STK10: variants seen among roughly 807,000 people sequenced by gnomAD.
STK10 encodes the protein serine/threonine kinase 10, also known as serine/threonine-protein kinase 10.
Under a neutral mutation model 113.8 loss-of-function variants are expected in STK10, and 78 were observed. The ratio of observed to expected loss-of-function variants is 0.69; its 90% CI spans 0.57 to 0.83. The LOEUF (loss-of-function observed/expected upper bound fraction) is 0.83. Ranked by LOEUF, STK10 falls within the 40% of genes least tolerant of loss-of-function variation. The probability of loss-of-function intolerance (pLI) is 0.00; values close to 1 mark genes in which losing one functional copy is unlikely to be tolerated. For synonymous variants in STK10, 465 were observed against 494.7 expected, an observed-to-expected ratio of 0.94 and a Z score of 0.80; for missense variants, 1,109 against 1,280.1, an observed-to-expected ratio of 0.87 and a Z score of 2.04.
intron 2 of STK10, among the ~76,000 whole-genome samples, chr5:172,147,533 A>T (rs958227099): frequency 3.9e-5 from 6 of 152,122 alleles, no homozygotes; most frequent in African/African-American, 1.2e-4. Context: ...CTGGGACCAC[A>T]GGCACATGTC....
At chr5:172,113,315 C>T (rs1169152615) in intron 4 of STK10, among the ~76,000 whole-genome samples, 1 of 152,144 alleles carries the variant, frequency 6.6e-6, no homozygotes, top group Non-Finnish European at 1.5e-5. Context: ...CACTCTGCTT[C>T]TGAGAATTCC....
At chr5:172,186,757 AT>A (rs1770960740) in intron 1 of STK10, among the ~76,000 whole-genome samples, 1 of 152,194 alleles carries the variant, frequency 6.6e-6, no homozygotes, top group Admixed American at 6.5e-5. Context: ...GGGGCTGGGC[AT>A]GAGATTGTTC....
intron 12 of STK10, among the ~76,000 whole-genome samples, chr5:172,076,167 G>T (rs1484329844): frequency 6.7e-6 from 1 of 148,188 alleles, no homozygotes; most frequent in East Asian, 2.0e-4. Flanking sequence ...TGTTGTGGGG[G>T]CTGTCCTGTG....
At chr5:172,171,944 G>A (rs1455453278) in intron 1 of STK10, among the ~76,000 whole-genome samples, 3 of 152,192 alleles carry the variant, frequency 2.0e-5, no homozygotes, top group African/African-American at 7.2e-5. Context: ...TGTAAGGCCA[G>A]CACTTTGGGA....
Position 172,120,457 on chromosome 5 carries a change from C to T in STK10, c.371-2827G>A, listed in dbSNP as rs143423770. Among the ~76,000 whole-genome samples the T allele has an allele frequency of 2.8e-3, 421 of 152,318 alleles. 4 individuals are homozygous for T. The highest frequency in any genetic ancestry group is 9.3e-3 in the African/African-American group (387 of 41,570). Reference sequence around the variant, plus strand: ...CTCTCTGGAGTCCGCAAGCTGCCTGCCCCCTGTCCCTGTGGCCTCATCCTG... The same window carrying T: ...CTCTCTGGAGTCCGCAAGCTGCCTGTCCCCTGTCCCTGTGGCCTCATCCTG... On this transcript the variant is annotated intron_variant, in intron 3 of 18. Transcript: ENST00000176763. This position sits in a 1 kb window ranked among gnomAD's most constrained non-coding sequence, Gnocchi z 4.0.
At chr5:172,116,133 T>C (rs1581164306) in intron 4 of STK10, among the ~76,000 whole-genome samples, 1 of 152,218 alleles carries the variant, frequency 6.6e-6, no homozygotes, top group African/African-American at 2.4e-5. Context: ...CAGACCGGAG[T>C]GCAGTGGTGC....
At chr5:172,097,313 T>C (rs1315282645) in intron 7 of STK10, among the ~76,000 whole-genome samples, 4 of 152,240 alleles carry the variant, frequency 2.6e-5, no homozygotes, top group African/African-American at 9.6e-5. Context: ...GTGCTGGGAT[T>C]ACAGGCGTGA....
At chr5:172,152,372 G>A (rs749894384) in intron 2 of STK10, among the ~76,000 whole-genome samples, 7 of 152,222 alleles carry the variant, frequency 4.6e-5, no homozygotes, top group Admixed American at 2.0e-4. Context: ...TGTTGGAAAA[G>A]AGATCCCCCG....
At chr5:172,145,011 G>A (rs939990661) in intron 2 of STK10, among the ~76,000 whole-genome samples, 4 of 152,134 alleles carry the variant, frequency 2.6e-5, no homozygotes, top group Non-Finnish European at 5.9e-5. Context: ...CACTGGCTCT[G>A]GGGTCAAAGT....
intron 2 of STK10, among the ~76,000 whole-genome samples, chr5:172,140,629 G>A (rs748709746): frequency 2.6e-5 from 4 of 152,118 alleles, no homozygotes; most frequent in African/African-American, 7.2e-5. Context: ...TCCGGGAGGC[G>A]GAGGTTGCAG....
rs766098811 is a variant in STK10, at chr5:172,064,732, T to A, written c.2070A>T (p.Lys690Asn). The A allele has an allele frequency of 1.9e-6, 3 of 1,614,004 alleles. No individual in the cohort carries two copies. The highest frequency in any genetic ancestry group is 2.7e-5 in the African/African-American group (2 of 74,916). ...MKQKMEEHTQKKQLLDRDFVA... is the reference protein window; with the variant it reads ...MKQKMEEHTQNKQLLDRDFVA... ...GCCAGGGACTCACAAGAAGCTGCTT[T>A]TTCTGCGTGTGCTCCTCCATCTTCT... The change falls in exon 13 of 19, where the codon AAA becomes AAT. Residue 690 changes from lysine (K) to asparagine (N), a missense_variant. Physicochemically the swap from Lys to Asn is moderately conservative, Grantham distance 94. Transcript: ENST00000176763.
At chr5:172,085,427 A>C (rs1344502827) in intron 10 of STK10, among the ~76,000 whole-genome samples, 1 of 151,358 alleles carries the variant, frequency 6.6e-6, no homozygotes, top group Non-Finnish European at 1.5e-5. Flanking sequence ...GGTGGCTCAC[A>C]CCTGTAATCC....
At chr5:172,170,977 C>T (rs1770656764) in intron 1 of STK10, among the ~76,000 whole-genome samples, 1 of 152,210 alleles carries the variant, frequency 6.6e-6, no homozygotes, top group Admixed American at 6.5e-5. Flanking sequence ...GGAGGGCCAC[C>T]TATGCCCCCT....
At chr5:172,109,254 G>T (rs1769182126) in intron 4 of STK10, among the ~76,000 whole-genome samples, 2 of 152,110 alleles carry the variant, frequency 1.3e-5, no homozygotes, top group Non-Finnish European at 2.9e-5. Context: ...GGCTGTGTGT[G>T]GGTGGTGAGA....
intron 10 of STK10, among the ~76,000 whole-genome samples, chr5:172,088,460 G>A (rs576432819): frequency 8.5e-5 from 13 of 152,246 alleles, no homozygotes; most frequent in African/African-American, 3.1e-4. Context: ...GGAGGCAGAA[G>A]TTGCACTGAA....
chr5:172,078,286 C>G (rs1488824602), intron 12 of STK10, among the ~76,000 whole-genome samples: 1 of 152,174 alleles, frequency 6.6e-6, no homozygotes, highest in Non-Finnish European at 1.5e-5. Flanking sequence ...AGAATCAAAG[C>G]AAGAAAGTTT....
intron 1 of STK10, among the ~76,000 whole-genome samples, chr5:172,158,217 G>C (rs1393645511): frequency 6.6e-6 from 1 of 151,956 alleles, no homozygotes; most frequent in Non-Finnish European, 1.5e-5. Flanking sequence ...CAGTTTGCCA[G>C]TTTCTCGAAA....
At position 172,093,925 on chromosome 5, in the gene STK10, C is replaced by T. The variant is rs1031955199; in HGVS notation, c.1041G>A (p.Val347=). Residue 347 remains valine (V), a synonymous_variant, in exon 9 of 19, where the codon GTG becomes GTA. Transcript: ENST00000176763. This position sits in a 1 kb window ranked among gnomAD's most constrained non-coding sequence, Gnocchi z 4.1. ...TGTCAGCATTGAGGCTTGGCGGACT[C>T]ACCTCAGAGGAGTTCTGAGTATGGT... ...LENHTQNSSE[V]SPPSLNADKP... The T allele has an allele frequency of 2.0e-6, 3 of 1,525,252 alleles. No individual in the cohort carries two copies. Among genetic ancestry groups the T allele is most frequent in the Non-Finnish European group, 2.6e-6 (3 of 1,135,170 alleles). 94.5% of individuals were successfully genotyped at this position (1,525,252 alleles called of 1,614,324 possible).
rs898623541 is a variant in STK10 at position 172,134,932 on chromosome 5, A to G, written c.322-7511T>C. On this transcript the variant is annotated intron_variant, in intron 2 of 18. Coordinates refer to ENST00000176763, the MANE Select transcript of STK10 (RefSeq NM_005990.4). The stretch of plus-strand genomic sequence containing the variant: ...GAACAAGACTTTATCTCAAAAAAAA[A>G]AAGAAAAAGAAAAAGTAACCCACAA... Among the ~76,000 whole-genome samples, 6 of 151,916 alleles carry G rather than the reference A, an allele frequency of 3.9e-5. No individual in the cohort carries two copies. The East Asian group carries it at 7.7e-4, about 19-fold the overall frequency.
Sources: gnomAD v4.1 joint callset for allele counts (sites outside exome capture counted in the v4.1 genomes callset) on GRCh38, gnomAD v4.1.1 for gene constraint, Gnocchi (gnomAD v3.1) non-coding constraint, MANE v1.5 for transcripts, NCBI Gene and HGNC (gene_info 2026-07-23, HGNC 2026-07-21) for gene names.